The following REPS2 variants were observed in gnomAD, a reference collection of about 807,000 sequenced individuals.
REPS2 encodes the protein RALBP1 associated Eps domain containing 2.
Under a neutral mutation model 53.6 loss-of-function variants are expected in REPS2, and 23 were observed. That is an observed-to-expected ratio of 0.43 (90% CI 0.31 to 0.61). The LOEUF (loss-of-function observed/expected upper bound fraction) is 0.61. REPS2 is among the 20% of genes least tolerant of loss of function. REPS2 has a pLI of 0.11. For missense variants in REPS2, 446 were observed against 534.9 expected (o/e 0.83, Z 1.64); for synonymous variants, 238 against 218.6 (o/e 1.09, Z -0.78).
the REPS2 span, among the ~76,000 whole-genome samples, chrX:17,187,986 G>A: frequency 9.0e-6 from 1 of 111,290 alleles, no homozygotes; most frequent in Non-Finnish European, 1.9e-5. Context: ...CACTTTTTTC[G>A]GAAACCAGGT....
At chrX:16,961,021 C>A (rs1466039517) in intron 1 of REPS2, among the ~76,000 whole-genome samples, 1 of 112,059 alleles carries the variant, frequency 8.9e-6, no homozygotes, top group African/African-American at 3.2e-5. Context: ...ATTGTCCACA[C>A]TACCCAAAAC....
rs181915231 is a variant in REPS2 at position 17,144,941 on chromosome X, C to T, written c.1915-2472C>T. 4.5e-3 allele frequency among the ~76,000 whole-genome samples: 496 copies of T among 111,262 alleles called. 2 individuals are homozygous for T. Among genetic ancestry groups the T allele is most frequent in the African/African-American group, 0.016 (482 of 30,600 alleles). ...GATCAATGGAGTTTTAGCTTATGTT[C>T]GTCTCACAGTGGACCCAGTGGACTC... On this transcript the variant is annotated intron_variant, in intron 17 of 17. Coordinates refer to ENST00000357277, the MANE Select transcript of REPS2 (RefSeq NM_004726.3).
chrX:17,135,453 G>A (rs1230383630), intron 16 of REPS2, 47 bp downstream of exon 16: 3 of 1,148,037 alleles, frequency 2.6e-6, no homozygotes, highest in Non-Finnish European at 3.5e-6. Context: ...CTCGCTCTGA[G>A]ATGTCGACGG....
At chrX:17,140,026 C>T (rs776217904) in intron 17 of REPS2, among the ~76,000 whole-genome samples, 3 of 111,972 alleles carry the variant, frequency 2.7e-5, no homozygotes, top group East Asian at 2.8e-4. Flanking sequence ...CTGGATCATT[C>T]GCCATCCACA....
chrX:17,131,442 A>G (rs2063290591), intron 14 of REPS2, among the ~76,000 whole-genome samples: 2 of 111,579 alleles, frequency 1.8e-5, no homozygotes, highest in African/African-American at 6.5e-5. Flanking sequence ...CATGCTCTGA[A>G]GGAGGTTAGA....
At chrX:16,966,266 G>T (rs1185647577) in intron 1 of REPS2, among the ~76,000 whole-genome samples, 1 of 112,404 alleles carries the variant, frequency 8.9e-6, no homozygotes, top group African/African-American at 3.2e-5. Flanking sequence ...CTACTGAAAT[G>T]AAATTTACTC....
At chrX:17,140,123 G>A (rs761485116) in intron 17 of REPS2, among the ~76,000 whole-genome samples, 1 of 111,752 alleles carries the variant, frequency 8.9e-6, no homozygotes, top group South Asian at 3.7e-4. Context: ...TTTCTTAGGA[G>A]TGGTTTTATT....
At chrX:17,009,778 C>T (rs1257123464) in intron 2 of REPS2, among the ~76,000 whole-genome samples, 12 of 111,152 alleles carry the variant, frequency 1.1e-4, no homozygotes, top group Non-Finnish European at 5.7e-5. Flanking sequence ...CCATCCTCAT[C>T]CTTTAAACCC....
At chrX:17,024,787 C>T (rs1569133097) in intron 3 of REPS2, among the ~76,000 whole-genome samples, 1 of 110,863 alleles carries the variant, frequency 9.0e-6, no homozygotes, top group Non-Finnish European at 1.9e-5. Flanking sequence ...CTTTCATTTT[C>T]CAAAGGAAAA....
chrX:17,094,852 CT>C (rs60148734), intron 13 of REPS2, among the ~76,000 whole-genome samples: 3 of 109,712 alleles, frequency 2.7e-5, no homozygotes, highest in East Asian at 5.7e-4. Context: ...AAGGGTATAG[CT>C]TTTTTTTTCC....
chrX:17,021,233 A>G (rs1477073694), intron 2 of REPS2, among the ~76,000 whole-genome samples: 2 of 112,112 alleles, frequency 1.8e-5, no homozygotes, highest in African/African-American at 6.5e-5. Context: ...GTGCTACGTG[A>G]TTGTGTGTGA....
rs187456225 is a variant in REPS2, at chrX:17,031,785, T to A, written c.771+2162T>A. On this transcript the variant is annotated intron_variant, in intron 5 of 17. Coordinates refer to ENST00000357277, the MANE Select transcript of REPS2 (RefSeq NM_004726.3). ...ACAGGGTGGGAGTGCGGGAGCAAGG[T>A]GACAAGATGGAGGGAACCGCATATA... Among the ~76,000 whole-genome samples the A allele has an allele frequency of 1.3e-3, 142 of 111,597 alleles. 2 individuals are homozygous for A. The highest frequency in any genetic ancestry group is 4.3e-3 in the African/African-American group (132 of 30,752).
chrX:17,058,723 T>C (rs1296645865), intron 8 of REPS2, among the ~76,000 whole-genome samples: 3 of 111,348 alleles, frequency 2.7e-5, no homozygotes, highest in African/African-American at 9.8e-5. Flanking sequence ...AAACAAAAAT[T>C]GCACATCATT....
chrX:16,965,179 G>A (rs2060735269), intron 1 of REPS2, among the ~76,000 whole-genome samples: 2 of 97,024 alleles, frequency 2.1e-5, no homozygotes, highest in Non-Finnish European at 4.2e-5. Context: ...CGGCTGGCAG[G>A]GCAGAGTGGC....
chrX:17,042,567 G>A, intron 5 of REPS2, among the ~76,000 whole-genome samples: 1 of 111,042 alleles, frequency 9.0e-6, no homozygotes. Flanking sequence ...ACATCATAGG[G>A]CAGTGTTTCC....
intron 17 of REPS2, among the ~76,000 whole-genome samples, chrX:17,146,276 C>CT (rs2063513881): frequency 9.0e-6 from 1 of 110,909 alleles, no homozygotes. Context: ...GTCACACAGG[C>CT]TTTTTGTTCA....
chrX:16,989,512 G>T (rs1393337633), intron 1 of REPS2, among the ~76,000 whole-genome samples: 1 of 111,673 alleles, frequency 9.0e-6, no homozygotes, highest in African/African-American at 3.3e-5. Flanking sequence ...ACTACAGAGT[G>T]GGGGGAAATA....
At chrX:17,045,234 G>A (rs1419482936) in intron 5 of REPS2, among the ~76,000 whole-genome samples, 1 of 109,207 alleles carries the variant, frequency 9.2e-6, no homozygotes, top group Non-Finnish European at 1.9e-5. Flanking sequence ...CTCTGGGCCT[G>A]TTTATTTTTA....
intron 13 of REPS2, among the ~76,000 whole-genome samples, chrX:17,086,385 C>T (rs1447261900): frequency 8.9e-6 from 1 of 112,407 alleles, no homozygotes; most frequent in African/African-American, 3.2e-5. Flanking sequence ...AAGATCCCAG[C>T]GACCTTTCAA....
Sources: gnomAD v4.1 joint callset for allele counts (sites outside exome capture counted in the v4.1 genomes callset) on GRCh38, gnomAD v4.1.1 for gene constraint, MANE v1.5 for transcripts, NCBI Gene and HGNC (gene_info 2026-07-23, HGNC 2026-07-21) for gene names.